The following ZC2HC1A variants were observed in gnomAD, a reference collection of about 807,000 sequenced individuals.
ZC2HC1A encodes the protein zinc finger C2HC domain-containing protein 1A.
In ZC2HC1A, 28 loss-of-function variants were observed where a neutral mutation model predicts 40.7. The observed-to-expected ratio is 0.69, with a 90% CI of 0.51 to 0.94. ZC2HC1A has a LOEUF of 0.94. Ranked by LOEUF, ZC2HC1A falls within the 40% of genes least tolerant of loss-of-function variation. The probability of loss-of-function intolerance (pLI) is 0.00; values close to 1 mark genes in which losing one functional copy is unlikely to be tolerated. For missense variants in ZC2HC1A, 389 were observed against 386.3 expected, an observed-to-expected ratio of 1.01 and a Z score of -0.06; for synonymous variants, 129 against 129.2, an observed-to-expected ratio of 1.00 and a Z score of 0.01.
chr8:78,703,004 C>T (rs182178563), intron 7 of ZC2HC1A, among the ~76,000 whole-genome samples: 109 of 152,238 alleles, frequency 7.2e-4, no homozygotes, highest in Middle Eastern at 3.4e-3. Flanking sequence ...TCAAGCGATT[C>T]TCCTGCCTCA....
In ZC2HC1A at chr8:78,693,594, G is replaced by A. The variant is rs1586006045; in HGVS notation, c.505-3813G>A. On this transcript the variant is annotated intron_variant, in intron 5 of 8. Coordinates refer to ENST00000263849, the MANE Select transcript of ZC2HC1A (RefSeq NM_016010.3). ...TGATGGGGTTGTTTGTTTTTTTCTT[G>A]TAAATTTGTTGGAGTTCATTGTAGA... Among the ~76,000 whole-genome samples the A allele has an allele frequency of 2.0e-5, 3 of 151,998 alleles. No homozygotes were observed. In the South Asian group the frequency reaches 6.2e-4, roughly 32 times the overall value.
At chr8:78,696,914 G>A (rs1382450656) in intron 5 of ZC2HC1A, among the ~76,000 whole-genome samples, 1 of 152,110 alleles carries the variant, frequency 6.6e-6, no homozygotes, top group Non-Finnish European at 1.5e-5. Context: ...TTCTACTAAT[G>A]TTTGTTTGGT....
chr8:78,666,141 G>A lies in ZC2HC1A; in HGVS notation c.-8G>A, dbSNP rs773955589. ...AAGGAGTCTCGCTGAGCTCGAGGAG[G>A]TGGCGCGATGGAGGGACTGGAAGGT... On this transcript the variant is annotated 5_prime_UTR_variant, in exon 1 of 9. The change creates a new upstream start codon in the 5' untranslated region. Coordinates refer to ENST00000263849, the MANE Select transcript of ZC2HC1A (RefSeq NM_016010.3). 6.4e-7 allele frequency: 1 copy of A among 1,571,360 alleles called. No homozygotes were observed. The highest frequency in any genetic ancestry group is 8.6e-7 in the Non-Finnish European group (1 of 1,158,384).
chr8:78,683,249 C>G (rs1429502451), intron 3 of ZC2HC1A, among the ~76,000 whole-genome samples: 2 of 152,252 alleles, frequency 1.3e-5, no homozygotes, highest in Non-Finnish European at 2.9e-5. Flanking sequence ...GTGTGGACTC[C>G]AATCTCTTAT....
chr8:78,691,038 A>G (rs1275208563), intron 5 of ZC2HC1A, among the ~76,000 whole-genome samples: 1 of 151,926 alleles, frequency 6.6e-6, no homozygotes, highest in East Asian at 1.9e-4. Flanking sequence ...GGACAGTTTT[A>G]TTTTCTTCCC....
At chr8:78,710,898 AAAG>A (rs1810930658) in intron 7 of ZC2HC1A, among the ~76,000 whole-genome samples, 1 of 152,140 alleles carries the variant, frequency 6.6e-6, no homozygotes, top group Non-Finnish European at 1.5e-5. Context: ...TAAGCTACTG[AAAG>A]AAGACAAAAA....
chr8:78,708,683 CTTT>C (rs1192881506), intron 7 of ZC2HC1A, among the ~76,000 whole-genome samples: 2 of 121,036 alleles, frequency 1.7e-5, no homozygotes. Context: ...TTTTTTTTTT[CTTT>C]TTTTTTTTTT....
chr8:78,712,515 A>G (rs1810982928), intron 7 of ZC2HC1A, among the ~76,000 whole-genome samples: 1 of 152,154 alleles, frequency 6.6e-6, no homozygotes, highest in African/African-American at 2.4e-5. Flanking sequence ...ATGGTGAACT[A>G]TTATAAAAAG....
chr8:78,712,145 A>G (rs1355717546), intron 7 of ZC2HC1A: 5 of 1,171,396 alleles, frequency 4.3e-6, no homozygotes, highest in Non-Finnish European at 5.6e-6. Flanking sequence ...TATTTTTCAG[A>G]TATTTCCTTA....
chr8:78,674,459 A>G (rs1482789313), intron 1 of ZC2HC1A, among the ~76,000 whole-genome samples: 2 of 152,160 alleles, frequency 1.3e-5, no homozygotes, highest in African/African-American at 4.8e-5. Flanking sequence ...ATCTAAATGA[A>G]CCTAATGGTT....
At chr8:78,679,593 G>A (rs1809698618) in intron 3 of ZC2HC1A, among the ~76,000 whole-genome samples, 1 of 152,128 alleles carries the variant, frequency 6.6e-6, no homozygotes, top group Non-Finnish European at 1.5e-5. Context: ...AGGGCCAACT[G>A]TGTATTGCTA....
intron 1 of ZC2HC1A, among the ~76,000 whole-genome samples, chr8:78,670,613 A>G (rs886512456): frequency 1.3e-5 from 2 of 152,212 alleles, no homozygotes; most frequent in African/African-American, 4.8e-5. Context: ...GGTCATGTTC[A>G]GACTGGGTAG....
rs754661937 is a variant in ZC2HC1A, at chr8:78,715,352, A to G, written c.812+24A>G. 5.1e-6 allele frequency: 8 copies of G among 1,571,818 alleles called. No individual in the cohort carries two copies. The highest frequency in any genetic ancestry group is 1.7e-4 in the Middle Eastern group (1 of 5,930). On this transcript the variant is annotated intron_variant, in intron 8 of 8. Coordinates refer to ENST00000263849, the MANE Select transcript of ZC2HC1A (RefSeq NM_016010.3). ...AGGTATGTTTAGCTCTGCTCTCCCA[A>G]TAACTAAAATAAAATTGAGTATATG...
At chr8:78,667,029 T>C (rs1809319233) in intron 1 of ZC2HC1A, among the ~76,000 whole-genome samples, 1 of 152,220 alleles carries the variant, frequency 6.6e-6, no homozygotes, top group South Asian at 2.1e-4. Flanking sequence ...AAAGATCCTA[T>C]TGTCTTGATT....
Position 78,718,646 on chromosome 8 carries a change from A to T in ZC2HC1A, c.*1153A>T, listed in dbSNP as rs1445420434. On this transcript the variant is annotated 3_prime_UTR_variant, in exon 9 of 9. Coordinates refer to ENST00000263849, the MANE Select transcript of ZC2HC1A (RefSeq NM_016010.3). Reference sequence around the variant, plus strand: ...CACTGAAAATGTATTGTTTTAATGCATAATTGACTTACCTAATTAAACATA... The same window carrying T: ...CACTGAAAATGTATTGTTTTAATGCTTAATTGACTTACCTAATTAAACATA... 6.6e-6 allele frequency: 1 copy of T among 151,856 alleles called. No individual in the cohort carries two copies. The highest frequency in any genetic ancestry group is 1.9e-4 in the East Asian group (1 of 5,200). The allele number at this position is 151,856 out of a possible 1,614,324, so 9.4% of individuals were successfully genotyped here. A position where few individuals can be genotyped will look rare whatever the true frequency, so the allele number is the denominator to read the frequency against.
chr8:78,702,945 A>G (rs1810653777), intron 7 of ZC2HC1A, among the ~76,000 whole-genome samples: 1 of 152,008 alleles, frequency 6.6e-6, no homozygotes, highest in African/African-American at 2.4e-5. Flanking sequence ...CGCCCAGGCT[A>G]TAGTGCTGTG....
At chr8:78,691,541 GTTGGTCAAAA>G (rs1325998911) in intron 5 of ZC2HC1A, among the ~76,000 whole-genome samples, 3 of 151,834 alleles carry the variant, frequency 2.0e-5, no homozygotes, top group Non-Finnish European at 4.4e-5. Context: ...ACTTCATCTT[GTTGGTCAAAA>G]TTGCCTGTCA....
chr8:78,683,031 G>C (rs1809839985), intron 3 of ZC2HC1A, among the ~76,000 whole-genome samples: 1 of 152,194 alleles, frequency 6.6e-6, no homozygotes, highest in Non-Finnish European at 1.5e-5. Context: ...TCAAAAGATG[G>C]GCTCCCATGG....
chr8:78,696,464 C>T (rs375136607), intron 5 of ZC2HC1A, among the ~76,000 whole-genome samples: 1 of 152,166 alleles, frequency 6.6e-6, no homozygotes, highest in African/African-American at 2.4e-5. Flanking sequence ...AATTCCTGCT[C>T]TGCTGTGAAG....
Sources: allele counts gnomAD v4.1 joint callset (sites outside exome capture counted in the v4.1 genomes callset), GRCh38; gene constraint gnomAD v4.1.1; transcripts MANE v1.5; gene names NCBI Gene and HGNC (gene_info 2026-07-23, HGNC 2026-07-21).